Variants in XG observed in about 807,000 individuals in gnomAD.
XG encodes the protein glycoprotein Xg.
A neutral mutation model predicts 25.7 loss-of-function variants in XG; 24 were observed. The ratio of observed to expected loss-of-function variants is 0.93; its 90% CI spans 0.68 to 1.31. The LOEUF (loss-of-function observed/expected upper bound fraction) is 1.31. Among genes scored for constraint, XG ranks in the 40% most tolerant of loss-of-function variants. The pLI is 0.00. For synonymous variants in XG, 77 were observed against 69.2 expected (o/e 1.11, Z -0.56); for missense variants, 181 against 187.6 (o/e 0.96, Z 0.21).
chrX:2,756,473 A>G (rs1006334347), intron 1 of XG, among the ~76,000 whole-genome samples: 3 of 152,236 alleles, frequency 2.0e-5, no homozygotes, highest in Non-Finnish European at 4.4e-5. Context: ...AAGGAAAGAC[A>G]AATATTTAAG....
intron 7 of XG, among the ~76,000 whole-genome samples, chrX:2,800,798 G>A (rs1413871880): frequency 1.8e-5 from 2 of 110,830 alleles, no homozygotes; most frequent in African/African-American, 3.3e-5. Flanking sequence ...GACCAGCCTG[G>A]GCAAAATAGT....
intron 5 of XG, among the ~76,000 whole-genome samples, chrX:2,790,319 G>C (rs2086824721): frequency 1.8e-5 from 2 of 109,372 alleles, no homozygotes; most frequent in Non-Finnish European, 3.8e-5. Context: ...TGAGCAATAT[G>C]ATGAAACCCT....
rs1467390963 is a variant in XG, at chrX:2,752,309, TC to T, written c.37del (p.Leu13CysfsTer4). ...ESWWGLPCLA[F>X]LCFLMHARGQ... ...TGGTGGGGACTTCCCTGTCTTGCGT[TC>T]CTGTGTTTTCTAATGCACGCCCGAG... On this transcript the variant is annotated frameshift_variant, in exon 1 of 11. Transcript: ENST00000644266. LOFTEE classifies it high-confidence loss of function. 2 of 1,613,698 alleles carry T rather than the reference TC, an allele frequency of 1.2e-6. No homozygotes were observed. The highest frequency in any genetic ancestry group is 1.1e-5 in the South Asian group (1 of 91,056).
intron 1 of XG, among the ~76,000 whole-genome samples, chrX:2,770,012 T>C (rs2050777932): frequency 2.2e-5 from 2 of 90,910 alleles, no homozygotes; most frequent in Non-Finnish European, 4.7e-5. Flanking sequence ...ACTCTGTGCG[T>C]GTGTGGAGGG....
chrX:2,782,403 A>G (rs1331091963), intron 4 of XG, among the ~76,000 whole-genome samples: 1 of 112,091 alleles, frequency 8.9e-6, no homozygotes, highest in African/African-American at 3.2e-5. Context: ...GAGCTGATTT[A>G]TCAAGATAGG....
At chrX:2,787,293 C>T (rs1356449183) in intron 4 of XG, among the ~76,000 whole-genome samples, 2 of 106,401 alleles carry the variant, frequency 1.9e-5, no homozygotes, top group African/African-American at 3.5e-5. Context: ...AGAGGGACGA[C>T]CCTGTGAGGA....
At chrX:2,758,381 T>G (rs1228715729) in intron 1 of XG, among the ~76,000 whole-genome samples, 1 of 152,164 alleles carries the variant, frequency 6.6e-6, no homozygotes, top group Non-Finnish European at 1.5e-5. Flanking sequence ...GAGACCTGCA[T>G]TTTAAGAAGC....
intron 3 of XG, among the ~76,000 whole-genome samples, chrX:2,777,649 G>A (rs1216000643): frequency 6.6e-6 from 1 of 152,108 alleles, no homozygotes; most frequent in Non-Finnish European, 1.5e-5. Flanking sequence ...AGTTAAGAAG[G>A]AAGGAATTAA....
intron 3 of XG, among the ~76,000 whole-genome samples, chrX:2,775,948 T>C (rs1231307687): frequency 2.6e-5 from 3 of 115,378 alleles, no homozygotes; most frequent in Non-Finnish European, 5.2e-5. Flanking sequence ...AGAGTGAGAT[T>C]CCGTCTCAAA....
chrX:2,786,695 T>C (rs2086787528), intron 4 of XG, among the ~76,000 whole-genome samples: 1 of 111,675 alleles, frequency 9.0e-6, no homozygotes, highest in Admixed American at 9.6e-5. Flanking sequence ...AGAATGTGAC[T>C]GTCTTTGGAG....
chrX:2,782,356 A>G (rs2086738177), intron 4 of XG, among the ~76,000 whole-genome samples: 1 of 112,355 alleles, frequency 8.9e-6, no homozygotes, highest in African/African-American at 3.2e-5. Context: ...TGTACTTGTA[A>G]CCACCCAACT....
intron 1 of XG, among the ~76,000 whole-genome samples, chrX:2,766,137 CCTCT>C (rs918637952): frequency 2.0e-5 from 3 of 150,464 alleles, no homozygotes; most frequent in Admixed American, 1.3e-4. Flanking sequence ...TTCTTCTTGG[CCTCT>C]CTCTCTCTCT....
intron 5 of XG, among the ~76,000 whole-genome samples, chrX:2,792,543 C>A (rs370792670): frequency 1.9e-5 from 1 of 52,057 alleles, no homozygotes; most frequent in Non-Finnish European, 3.9e-5. Flanking sequence ...TTTTCTTTTT[C>A]TTTGTGTGTG....
At chrX:2,785,358 A>G (rs1470749417) in intron 4 of XG, among the ~76,000 whole-genome samples, 1 of 111,929 alleles carries the variant, frequency 8.9e-6, no homozygotes, top group Non-Finnish European at 1.9e-5. Context: ...GTTGGTGTAC[A>G]TTGCCAGGGT....
chrX:2,810,925 TAAGAAATA>T (rs1272003270), intron 9 of XG, among the ~76,000 whole-genome samples: 3 of 55,406 alleles, frequency 5.4e-5, no homozygotes, highest in African/African-American at 2.0e-4. Flanking sequence ...CAAAAAATAA[TAAGAAATA>T]AATAAATAAA....
intron 3 of XG, among the ~76,000 whole-genome samples, chrX:2,775,736 A>T: frequency 6.6e-6 from 1 of 152,042 alleles, no homozygotes; most frequent in Non-Finnish European, 1.5e-5. Context: ...TGGGCAGATC[A>T]TCTGAGGTCA....
intron 4 of XG, among the ~76,000 whole-genome samples, chrX:2,788,856 A>T (rs1458428789): frequency 5.2e-5 from 1 of 19,191 alleles, no homozygotes; most frequent in Non-Finnish European, 2.0e-4. Context: ...ACTCCGTCTT[A>T]AAAAAAAAAG....
At chrX:2,774,570 T>G (rs2050932757) in intron 2 of XG, 146 bp from the exon 3 acceptor site, 2 of 897,142 alleles carry the variant, frequency 2.2e-6, no homozygotes, top group Non-Finnish European at 3.6e-6. Flanking sequence ...TTTTCTCAAT[T>G]CAACATGGAA....
chrX:2,777,187 T>TA (rs2051017957), intron 3 of XG, among the ~76,000 whole-genome samples: 2 of 152,090 alleles, frequency 1.3e-5, no homozygotes. Context: ...GTTAGCTGTT[T>TA]AAAAAAATAA....
Sources: allele counts gnomAD v4.1 joint callset (sites outside exome capture counted in the v4.1 genomes callset), GRCh38; gene constraint gnomAD v4.1.1; transcripts MANE v1.5; gene names NCBI Gene and HGNC (gene_info 2026-07-23, HGNC 2026-07-21).